Variants in SLX9 observed in about 807,000 individuals in gnomAD.
The protein encoded by SLX9 is ribosome biogenesis protein SLX9 homolog.
SLX9 carries 19 observed loss-of-function variants against 20.8 expected under a neutral mutation model. That is an observed-to-expected ratio of 0.91 (90% CI 0.64 to 1.34). SLX9 has a LOEUF of 1.34. SLX9 is among the 40% of genes most tolerant of loss of function. The pLI is 0.00. For synonymous variants in SLX9, 113 were observed against 137.1 expected (o/e 0.82, Z 1.23); for missense variants, 299 against 322.2 (o/e 0.93, Z 0.55).
At chr21:44,961,118 C>T (rs2084943058) in intron 3 of SLX9, among the ~76,000 whole-genome samples, 1 of 152,144 alleles carries the variant, frequency 6.6e-6, no homozygotes, top group South Asian at 2.1e-4. Flanking sequence ...TTTCACAGTT[C>T]CTAGCATAGC....
At chr21:44,970,119 G>A (rs543824247) in intron 4 of SLX9, among the ~76,000 whole-genome samples, 7 of 152,324 alleles carry the variant, frequency 4.6e-5, no homozygotes, top group African/African-American at 1.4e-4. Flanking sequence ...CATGCTGTCC[G>A]CTTTGGGAGG....
intron 2 of SLX9, among the ~76,000 whole-genome samples, chr21:44,959,467 C>T (rs1340737100): frequency 6.6e-6 from 1 of 152,212 alleles, no homozygotes; most frequent in Non-Finnish European, 1.5e-5. Flanking sequence ...CACCCCTGCC[C>T]CTGTCCCCCC....
At chr21:44,976,191 G>T (rs763908418) in intron 5 of SLX9, among the ~76,000 whole-genome samples, 3 of 152,260 alleles carry the variant, frequency 2.0e-5, no homozygotes, top group Non-Finnish European at 4.4e-5. Context: ...GGCGGCTGGG[G>T]TGAGCTGGTG....
chr21:44,947,951 C>T (rs999151595), intron 2 of SLX9, among the ~76,000 whole-genome samples: 2 of 152,216 alleles, frequency 1.3e-5, no homozygotes, highest in African/African-American at 4.8e-5. Context: ...CTGGGGGTGG[C>T]GAGGGACCTG....
chr21:44,963,264 T>C (rs898183185), intron 3 of SLX9, among the ~76,000 whole-genome samples: 1 of 152,122 alleles, frequency 6.6e-6, no homozygotes, highest in African/African-American at 2.4e-5. Flanking sequence ...AATTTTTTTG[T>C]ATTTTTAGTA....
intron 4 of SLX9, 94 bp from the exon 5 acceptor site, chr21:44,973,103 G>A: frequency 9.2e-6 from 13 of 1,419,864 alleles, no homozygotes; most frequent in South Asian, 3.5e-5. Flanking sequence ...CCACCACGAC[G>A]TCTGCTCTAA....
At chr21:44,950,414 G>A (rs1448399865) in intron 2 of SLX9, among the ~76,000 whole-genome samples, 1 of 152,248 alleles carries the variant, frequency 6.6e-6, no homozygotes, top group African/African-American at 2.4e-5. Context: ...GGGTCAGATG[G>A]CCTCGGCTTG....
intron 2 of SLX9, among the ~76,000 whole-genome samples, chr21:44,947,849 C>T (rs2084672068): frequency 6.6e-6 from 1 of 152,232 alleles, no homozygotes; most frequent in Admixed American, 6.5e-5. Context: ...CCCAGCAGGA[C>T]TCAGCTTTGC....
intron 4 of SLX9, among the ~76,000 whole-genome samples, chr21:44,972,237 C>A (rs1412706369): frequency 1.3e-5 from 2 of 152,300 alleles, no homozygotes; most frequent in East Asian, 3.9e-4. Context: ...CTTGCGGGTT[C>A]TCTGTTCCTT....
intron 3 of SLX9, among the ~76,000 whole-genome samples, chr21:44,965,049 A>G (rs1383045326): frequency 6.6e-6 from 1 of 152,220 alleles, no homozygotes; most frequent in African/African-American, 2.4e-5. Context: ...ATTTGCTTTA[A>G]TATCCGATAG....
intron 2 of SLX9, among the ~76,000 whole-genome samples, chr21:44,948,254 GGTCGTGAAGCATCGGGCGGTCCGGGGAGC>G (rs2084682663): frequency 1.3e-5 from 2 of 151,048 alleles, no homozygotes; most frequent in Non-Finnish European, 3.0e-5. Context: ...CCGGGGAGCT[GGTCGTGAAGCATCGGGCGGTCCGGGGAGC>G]TGGTCGTGGA....
chr21:44,948,187 G>A (rs1215526923), intron 2 of SLX9, among the ~76,000 whole-genome samples: 1 of 151,212 alleles, frequency 6.6e-6, no homozygotes, highest in Non-Finnish European at 1.5e-5. Context: ...GGCATCCGGG[G>A]AGGTGGTCGT....
At chr21:44,944,625 A>G (rs2084610395) in intron 2 of SLX9, among the ~76,000 whole-genome samples, 2 of 152,234 alleles carry the variant, frequency 1.3e-5, no homozygotes, top group African/African-American at 4.8e-5. Flanking sequence ...TTACATCTTG[A>G]CAGCCTTGGG....
intron 2 of SLX9, among the ~76,000 whole-genome samples, chr21:44,955,619 A>G (rs1037288881): frequency 2.0e-5 from 3 of 151,970 alleles, no homozygotes; most frequent in African/African-American, 7.3e-5. Flanking sequence ...GGGCTCACGC[A>G]ATCTTCCCTC....
At position 44,967,020 on chromosome 21, in the gene SLX9, T is replaced by G; in HGVS notation, c.353-14T>G. On this transcript the variant is annotated splice_polypyrimidine_tract_variant and intron_variant, in intron 3 of 5. Coordinates refer to ENST00000291634, the MANE Select transcript of SLX9 (RefSeq NM_058190.4). ...GCCTCTTGTTTGCCTCTAACGTCGT[T>G]TCTCCTTCCTTAGAAATCGAAGCCA... 6.2e-7 allele frequency: 1 copy of G among 1,603,528 alleles called. No individual in the cohort carries two copies. Among genetic ancestry groups the G allele is most frequent in the Non-Finnish European group, 8.5e-7 (1 of 1,175,974 alleles).
intron 4 of SLX9, among the ~76,000 whole-genome samples, chr21:44,970,246 C>T (rs2085118550): frequency 6.6e-6 from 1 of 152,210 alleles, no homozygotes; most frequent in Admixed American, 6.5e-5. Flanking sequence ...CTCTTCTCCC[C>T]GTGTATGTGT....
intron 2 of SLX9, among the ~76,000 whole-genome samples, chr21:44,958,026 A>G (rs1424730825): frequency 2.0e-5 from 3 of 152,264 alleles, no homozygotes; most frequent in East Asian, 1.9e-4. Context: ...CTGTAGCCTC[A>G]GCTCGGCTGG....
intron 3 of SLX9, among the ~76,000 whole-genome samples, 160 bp from the exon 4 acceptor site, chr21:44,966,874 C>T (rs60912249): frequency 0.02 from 3,094 of 152,318 alleles, 120 homozygotes; most frequent in African/African-American, 0.071. Context: ...CTCAAGCCTG[C>T]CCGCCCTGCA....
At chr21:44,961,641 CCTT>C (rs1185823353) in intron 3 of SLX9, among the ~76,000 whole-genome samples, 1 of 152,134 alleles carries the variant, frequency 6.6e-6, no homozygotes, top group Non-Finnish European at 1.5e-5. Flanking sequence ...ATGTTAGTTG[CCTT>C]CTTATTAAAT....
Sources: gnomAD v4.1 joint callset for allele counts (sites outside exome capture counted in the v4.1 genomes callset) on GRCh38, gnomAD v4.1.1 for gene constraint, MANE v1.5 for transcripts, NCBI Gene and HGNC (gene_info 2026-07-23, HGNC 2026-07-21) for gene names.